CC2D2A: variants seen among roughly 807,000 people sequenced by gnomAD.
CC2D2A encodes the protein coiled-coil and C2 domain containing 2A.
Under a neutral mutation model 212.9 loss-of-function variants are expected in CC2D2A, and 155 were observed. The ratio of observed to expected loss-of-function variants is 0.73; its 90% confidence interval spans 0.64 to 0.83. CC2D2A has a LOEUF of 0.83. CC2D2A is among the 40% of genes least tolerant of loss of function. The probability of loss-of-function intolerance (pLI) is 0.00; values close to 1 mark genes in which losing one functional copy is unlikely to be tolerated. For synonymous variants in CC2D2A, 667 were observed against 686.5 expected, an observed-to-expected ratio of 0.97 and a Z score of 0.44; for missense variants, 1,856 against 1,956.2, an observed-to-expected ratio of 0.95 and a Z score of 0.97.
chr4:15,599,595 G>T lies in CC2D2A; in HGVS notation c.4563G>T (p.Arg1521Ser). ...WRPRHLTRWN[R>S]YCTSTLRHFL... is the part of the protein sequence containing the mutation. ...CACGCCATCTGACTCGGTGGAATAG[G>T]TATTGTACCTCTACTCTGCGTCACT... is the stretch of plus-strand genomic sequence containing the variant. The change falls in exon 36 of 37, where the codon AGG (arginine) becomes AGT (serine). Residue 1521 changes from arginine (R) to serine (S), a missense_variant. Physicochemically the swap from Arg to Ser is moderately radical, Grantham distance 110. Transcript: ENST00000424120. The T allele has an allele frequency of 6.2e-7, 1 of 1,612,654 alleles. No homozygotes were observed. The highest frequency in any genetic ancestry group is 8.5e-7 in the Non-Finnish European group (1 of 1,178,976).
intron 4 of CC2D2A, among the ~76,000 whole-genome samples, chr4:15,499,741 TCTGA>T (rs1282494237): frequency 6.6e-6 from 1 of 152,110 alleles, no homozygotes; most frequent in Non-Finnish European, 1.5e-5. Context: ...GAAAAAGGCT[TCTGA>T]CTGGTGGTGG....
At chr4:15,499,793 TCAGA>T (rs1467714254) in intron 4 of CC2D2A, among the ~76,000 whole-genome samples, 3 of 151,970 alleles carry the variant, frequency 2.0e-5, no homozygotes, top group Non-Finnish European at 2.9e-5. Flanking sequence ...CACTAAGTGG[TCAGA>T]CAGAGGAAAG....
intron 16 of CC2D2A, among the ~76,000 whole-genome samples, chr4:15,540,275 C>A (rs940795977): frequency 2.0e-5 from 3 of 151,590 alleles, no homozygotes; most frequent in African/African-American, 7.3e-5. Context: ...AAATTAAAGA[C>A]CAATGGGAGG....
rs748451478 is a variant in CC2D2A at position 15,560,626 on chromosome 4, A to C, written c.3014+4A>C. Reference sequence around the variant, plus strand: ...AAGAAGAAGTTCCCAATATCAGGTAAAAATAATCAAAGCCATTATTATCAA... The same window carrying C: ...AAGAAGAAGTTCCCAATATCAGGTACAAATAATCAAAGCCATTATTATCAA... On this transcript the variant is annotated splice_donor_region_variant and intron_variant, in intron 23 of 36. Coordinates refer to ENST00000424120, the MANE Select transcript of CC2D2A (RefSeq NM_001378615.1). 457 of 1,193,788 alleles carry C rather than the reference A, an allele frequency of 3.8e-4. No homozygotes were observed. The highest frequency in any genetic ancestry group is 5.3e-4 in the Non-Finnish European group (441 of 827,934). 73.9% of individuals were successfully genotyped at this position (1,193,788 alleles called of 1,614,324 possible).
intron 13 of CC2D2A, among the ~76,000 whole-genome samples, chr4:15,530,118 C>G (rs1717763973): frequency 6.6e-6 from 1 of 151,702 alleles, no homozygotes; most frequent in Non-Finnish European, 1.5e-5. Context: ...ACTACAGGCG[C>G]CCGCCACTAC....
chr4:15,511,286 T>C lies in CC2D2A; in HGVS notation c.580T>C (p.Phe194Leu). The C allele has an allele frequency of 6.2e-7, 1 of 1,601,484 alleles. No homozygotes were observed. Among genetic ancestry groups the C allele is most frequent in the Non-Finnish European group, 8.5e-7 (1 of 1,175,170 alleles). Residue 194 changes from phenylalanine to leucine, a missense_variant, in exon 8 of 37, where the codon TTC becomes CTC. This residue lies in a region of CC2D2A where 1,512 missense variants were observed against 1,579.3 expected (regional missense o/e 0.96). Transcript: ENST00000424120. ...GFPSAEEAYN[F>L]FTFNFDPEPE... ...CCCTTCTGCAGAAGAGGCCTATAAC[T>C]TCTTTACTTTCAACTTTGATCCCGA... is the stretch of plus-strand genomic sequence containing the variant.
rs1157377528 is a variant in CC2D2A, at chr4:15,533,182, A to G, written c.1467-11A>G. ...TTTTAATATATACTCATGTGTTATT[A>G]TATCTTGCAGACAAACAAGAAAATT... On this transcript the variant is annotated splice_polypyrimidine_tract_variant and intron_variant, in intron 13 of 36. Coordinates refer to ENST00000424120, the MANE Select transcript of CC2D2A (RefSeq NM_001378615.1). 2.8e-5 allele frequency: 44 copies of G among 1,576,096 alleles called. No individual in the cohort carries two copies. The highest frequency in any genetic ancestry group is 3.7e-5 in the Non-Finnish European group (43 of 1,169,158).
intron 11 of CC2D2A, among the ~76,000 whole-genome samples, chr4:15,522,250 T>C (rs1320040366): frequency 6.6e-6 from 1 of 152,140 alleles, no homozygotes; most frequent in Admixed American, 6.6e-5. Flanking sequence ...AGGAAAAATG[T>C]TAAGAAAACA....
At chr4:15,598,203 T>C (rs1191185589) in intron 35 of CC2D2A, among the ~76,000 whole-genome samples, 3 of 152,226 alleles carry the variant, frequency 2.0e-5, no homozygotes, top group Non-Finnish European at 2.9e-5. Flanking sequence ...AGTCATTTAT[T>C]TCTCCAATAT....
chr4:15,597,343 A>G (rs1042904042), intron 34 of CC2D2A, 64 bp from the exon 35 acceptor site: 4 of 1,161,416 alleles, frequency 3.4e-6, no homozygotes, highest in Non-Finnish European at 5.0e-6. Context: ...TAAGATTTTT[A>G]AAAGGATGTT....
At chr4:15,481,169 A>T (rs757158608) in intron 4 of CC2D2A, 1 of 459,922 alleles carries the variant, frequency 2.2e-6, no homozygotes, top group Non-Finnish European at 4.4e-6. Flanking sequence ...TCTAGTAATG[A>T]GTGAGTTCTT....
chr4:15,476,108 TCAACA>T, intron 2 of CC2D2A, 137 bp downstream of exon 2: 5 of 723,202 alleles, frequency 6.9e-6, no homozygotes, highest in East Asian at 2.8e-5. Context: ...TGAATTAGAT[TCAACA>T]GAGTCTAATT....
intron 4 of CC2D2A, among the ~76,000 whole-genome samples, chr4:15,482,899 C>T (rs946526590): frequency 2.6e-4 from 40 of 152,256 alleles, no homozygotes; most frequent in South Asian, 2.1e-4. Context: ...CCACAAAAAG[C>T]GCTATTTCTG....
At chr4:15,529,043 G>A (rs1470195632) in intron 13 of CC2D2A, among the ~76,000 whole-genome samples, 1 of 152,180 alleles carries the variant, frequency 6.6e-6, no homozygotes, top group African/African-American at 2.4e-5. Context: ...TCAGATACAA[G>A]ATGTTCTTTA....
At chr4:15,590,458 C>T (rs1285834366) in intron 33 of CC2D2A, among the ~76,000 whole-genome samples, 3 of 152,054 alleles carry the variant, frequency 2.0e-5, no homozygotes, top group South Asian at 2.1e-4. Flanking sequence ...GAGGTTGCAA[C>T]GAGCTGAGAT....
At chr4:15,505,493 T>A (rs1553824601) in intron 6 of CC2D2A, among the ~76,000 whole-genome samples, 1 of 152,152 alleles carries the variant, frequency 6.6e-6, no homozygotes, top group Non-Finnish European at 1.5e-5. Flanking sequence ...CTGCCAGGTG[T>A]CCGATAGGCT....
At chr4:15,567,651 A>T (rs1255796545) in intron 25 of CC2D2A, 26 bp from the exon 26 acceptor site, 3 of 1,516,614 alleles carry the variant, frequency 2.0e-6, no homozygotes, top group East Asian at 4.6e-5. Flanking sequence ...ACCATTGGGA[A>T]CTCAGAATTT....
chr4:15,477,769 G>A (rs1577307660), intron 2 of CC2D2A, among the ~76,000 whole-genome samples: 1 of 152,094 alleles, frequency 6.6e-6, no homozygotes, highest in Non-Finnish European at 1.5e-5. Flanking sequence ...CTATTCTCTC[G>A]TTCGACCTCA....
chr4:15,534,949 T>C (rs1718048539), intron 14 of CC2D2A, among the ~76,000 whole-genome samples: 1 of 151,986 alleles, frequency 6.6e-6, no homozygotes, highest in Non-Finnish European at 1.5e-5. Flanking sequence ...AACAGCCATA[T>C]TTCAGCCAAA....
Sources: allele counts gnomAD v4.1 joint callset (sites outside exome capture counted in the v4.1 genomes callset), GRCh38; gene constraint gnomAD v4.1.1; regional missense constraint gnomAD v4.1.1; transcripts MANE v1.5; gene names NCBI Gene and HGNC (gene_info 2026-07-23, HGNC 2026-07-21).